TMEM91: variants seen among roughly 807,000 people sequenced by gnomAD.
TMEM91 encodes the protein dispanin subfamily C member 3.
TMEM91 carries 6 observed loss-of-function variants against 13.3 expected under a neutral mutation model. That is an observed-to-expected ratio of 0.45 (90% confidence interval 0.25 to 0.89). TMEM91 has a LOEUF of 0.89. TMEM91 is among the 40% of genes least tolerant of loss of function. The pLI is 0.19. For synonymous variants in TMEM91, 87 were observed against 101.7 expected (o/e 0.86, Z 0.87); for missense variants, 193 against 228.7 (o/e 0.84, Z 1.01).
In TMEM91 at chr19:41,369,523, G is replaced by T. The variant is rs113546820; in HGVS notation, c.-30+5428G>T. ...TGCACCTCTAAAAAAAAAAAAAAAA[G>T]GCCCGGTGCAGTGGCTCATGCCTGG... On this transcript the variant is annotated intron_variant, in intron 1 of 3. Transcript: ENST00000413014. 4.7e-4 allele frequency among the ~76,000 whole-genome samples: 56 copies of T among 118,664 alleles called. 1 individual carries two copies. The highest frequency in any genetic ancestry group is 1.6e-3 in the African/African-American group (53 of 34,036). 77.8% of individuals were successfully genotyped at this position (118,664 alleles called of 152,430 possible). A position where few individuals can be genotyped will look rare whatever the true frequency, so the allele number is the denominator to read the frequency against.
intron 1 of TMEM91, among the ~76,000 whole-genome samples, chr19:41,368,358 A>G (rs1430002207): frequency 2.0e-5 from 3 of 149,704 alleles, no homozygotes; most frequent in African/African-American, 7.3e-5. Flanking sequence ...TTGAGGCTGC[A>G]GTGAGCTGTG....
chr19:41,380,184 G>A (rs964128719), intron 2 of TMEM91, among the ~76,000 whole-genome samples: 1 of 151,916 alleles, frequency 6.6e-6, no homozygotes, highest in Non-Finnish European at 1.5e-5. Context: ...GTGAGCCACC[G>A]TGCCCAGCCG....
intron 2 of TMEM91, among the ~76,000 whole-genome samples, chr19:41,379,888 C>CTTTT (rs59525203): frequency 1.2e-3 from 87 of 75,148 alleles, no homozygotes; most frequent in African/African-American, 4.1e-3. Flanking sequence ...TTAGGGCTTC[C>CTTTT]TTTTTTTTTT....
At chr19:41,364,112 C>T (rs2038468791) in intron 1 of TMEM91, 1 of 164,332 alleles carries the variant, frequency 6.1e-6, no homozygotes, top group Non-Finnish European at 1.4e-5. Flanking sequence ...CGCGATACTT[C>T]CGCGACCGCG....
intron 1 of TMEM91, among the ~76,000 whole-genome samples, chr19:41,377,540 TG>T (rs984264697): frequency 7.1e-6 from 1 of 141,802 alleles, no homozygotes; most frequent in Non-Finnish European, 1.5e-5. Context: ...GGGTAGGGGA[TG>T]GGTGTGTGTG....
At chr19:41,371,197 T>C (rs1362449451) in intron 1 of TMEM91, among the ~76,000 whole-genome samples, 1 of 150,992 alleles carries the variant, frequency 6.6e-6, no homozygotes, top group Non-Finnish European at 1.5e-5. Flanking sequence ...AGACGGAGTT[T>C]TGCCATGTTG....
At chr19:41,377,679 G>A (rs1025841840) in intron 1 of TMEM91, among the ~76,000 whole-genome samples, 6 of 151,956 alleles carry the variant, frequency 3.9e-5, no homozygotes, top group African/African-American at 1.2e-4. Flanking sequence ...ACTTATTGGG[G>A]TAAGTGTGAT....
chr19:41,366,906 GGA>G (rs1475112773), intron 1 of TMEM91, among the ~76,000 whole-genome samples: 1 of 152,164 alleles, frequency 6.6e-6, no homozygotes, highest in Non-Finnish European at 1.5e-5. Context: ...GGGAGGCCAA[GGA>G]GAGTGGATAC....
intron 3 of TMEM91, 23 bp downstream of exon 3, chr19:41,382,944 G>C (rs1043227735): frequency 6.2e-7 from 1 of 1,609,350 alleles, no homozygotes; most frequent in Non-Finnish European, 8.5e-7. Context: ...GTGGGACTTG[G>C]AGGGGACTGG....
At chr19:41,366,885 C>T (rs1042196705) in intron 1 of TMEM91, among the ~76,000 whole-genome samples, 4 of 152,074 alleles carry the variant, frequency 2.6e-5, no homozygotes, top group Non-Finnish European at 5.9e-5. Context: ...TGCCCGTAAT[C>T]CCAGCACTTT....
intron 1 of TMEM91, among the ~76,000 whole-genome samples, chr19:41,369,919 T>C (rs2038587421): frequency 6.6e-6 from 1 of 152,204 alleles, no homozygotes; most frequent in African/African-American, 2.4e-5. Context: ...TACATTTACA[T>C]TGTGCAACCA....
Position 41,383,805 on chromosome 19 carries a change from G to A in TMEM91, c.451G>A (p.Gly151Ser). Residue 151 changes from glycine (G) to serine (S), a missense_variant, in exon 4 of 4, where the codon GGC becomes AGC. Physicochemically the swap from Gly to Ser is moderately conservative, Grantham distance 56. Transcript: ENST00000392002. ...GCTGGGGGTCCTCGCCGTCGGGCTG[G>A]GCGTGTGCACGTATGCGGCTGCCCT... ...FLLGVLAVGL[G>S]VCTYAAALVT... The A allele has an allele frequency of 6.2e-7, 1 of 1,611,960 alleles. No homozygotes were observed. The highest frequency in any genetic ancestry group is 8.5e-7 in the Non-Finnish European group (1 of 1,178,908).
At chr19:41,382,253 C>T (rs2038905337) in intron 2 of TMEM91, among the ~76,000 whole-genome samples, 1 of 152,192 alleles carries the variant, frequency 6.6e-6, no homozygotes, top group Non-Finnish European at 1.5e-5. Context: ...ACTGAAAACT[C>T]TGGGTGTGGG....
chr19:41,384,054 G>A lies in TMEM91; in HGVS notation c.*181G>A. 2.7e-6 allele frequency: 3 copies of A among 1,126,930 alleles called. No individual in the cohort carries two copies. The highest frequency in any genetic ancestry group is 3.6e-6 in the Non-Finnish European group (3 of 832,028). The allele number at this position is 1,126,930 out of a possible 1,614,324, so 69.8% of individuals were successfully genotyped here. A position where few individuals can be genotyped will look rare whatever the true frequency, so the allele number is the denominator to read the frequency against. ...CGCTCTTCGGGCGGCAGCAACCTGA[G>A]ATTAAACACCAGACACCCTTGCAGC... On this transcript the variant is annotated 3_prime_UTR_variant, in exon 4 of 4. Coordinates refer to ENST00000392002, the MANE Select transcript of TMEM91 (RefSeq NM_001098821.2).
intron 2 of TMEM91, among the ~76,000 whole-genome samples, chr19:41,382,562 C>T (rs948861227): frequency 2.6e-5 from 4 of 152,142 alleles, no homozygotes; most frequent in South Asian, 4.1e-4. Flanking sequence ...GGCAGTGAGC[C>T]GAGACTGTGC....
At chr19:41,375,704 A>G (rs1292523999), upstream of TMEM91, among the ~76,000 whole-genome samples, 1 of 151,268 alleles carries the variant, frequency 6.6e-6, no homozygotes, top group Non-Finnish European at 1.5e-5. Flanking sequence ...CTGTAATCCC[A>G]CCGCTTTGGG....
chr19:41,365,210 T>C (rs1324503895), intron 1 of TMEM91, among the ~76,000 whole-genome samples: 1 of 151,968 alleles, frequency 6.6e-6, no homozygotes, highest in East Asian at 1.9e-4. Flanking sequence ...ATTTACAAGC[T>C]ACCATTGGCT....
chr19:41,366,417 C>G (rs1394609181), intron 1 of TMEM91, among the ~76,000 whole-genome samples: 1 of 152,108 alleles, frequency 6.6e-6, no homozygotes, highest in Non-Finnish European at 1.5e-5. Flanking sequence ...CATCTATCAC[C>G]TGGACTATGA....
upstream of TMEM91, among the ~76,000 whole-genome samples, chr19:41,374,830 A>G (rs143025583): frequency 1.1e-3 from 173 of 152,238 alleles, no homozygotes; most frequent in African/African-American, 3.9e-3. Context: ...CCAAAAATAC[A>G]AAATTAGCCA....
Sources: gnomAD v4.1 joint callset for allele counts (sites outside exome capture counted in the v4.1 genomes callset) on GRCh38, gnomAD v4.1.1 for gene constraint, MANE v1.5 for transcripts, NCBI Gene and HGNC (gene_info 2026-07-23, HGNC 2026-07-21) for gene names.